ACADL: variants seen among roughly 807,000 people sequenced by gnomAD.
ACADL encodes the protein long-chain specific acyl-CoA dehydrogenase, mitochondrial.
Under a neutral mutation model 56.9 loss-of-function variants are expected in ACADL, and 60 were observed. The observed-to-expected ratio is 1.05, with a 90% confidence interval of 0.86 to 1.31. The LOEUF (loss-of-function observed/expected upper bound fraction) is 1.31, where lower values mean the gene tolerates loss of function less well. ACADL is among the 50% of genes most tolerant of loss of function. The pLI, the probability that ACADL is intolerant of heterozygous loss-of-function variation, is 0.00. For synonymous variants in ACADL, 158 were observed against 179.7 expected, an observed-to-expected ratio of 0.88 and a Z score of 0.97; for missense variants, 484 against 525.5, an observed-to-expected ratio of 0.92 and a Z score of 0.77.
chr2:210,216,023 C>T (rs892589903), intron 4 of ACADL, among the ~76,000 whole-genome samples: 3 of 152,174 alleles, frequency 2.0e-5, no homozygotes, highest in Admixed American at 6.6e-5. Flanking sequence ...GCTACTCCAT[C>T]CTTGTCTCCA....
chr2:210,206,649 G>T (rs188349589), intron 5 of ACADL, among the ~76,000 whole-genome samples: 1 of 152,222 alleles, frequency 6.6e-6, no homozygotes, highest in Non-Finnish European at 1.5e-5. Context: ...AGATGATATT[G>T]ATACAGAAAA....
chr2:210,191,321 G>T (rs1248398843), intron 10 of ACADL, among the ~76,000 whole-genome samples: 1 of 152,064 alleles, frequency 6.6e-6, no homozygotes, highest in Non-Finnish European at 1.5e-5. Context: ...GGTGATTATT[G>T]TTTCTTAAAG....
At position 210,188,800 on chromosome 2, in the gene ACADL, CT is replaced by C; in HGVS notation, c.*160del. ...AGAATTTTGGCTTCAAAGATTTGTC[CT>C]TCCACTGTGTTAATCTTATATTTAT... On this transcript the variant is annotated 3_prime_UTR_variant, in exon 11 of 11. Transcript: ENST00000233710. 1.7e-6 allele frequency: 1 copy of C among 593,122 alleles called. No individual in the cohort carries two copies. The highest frequency in any genetic ancestry group is 1.9e-5 in the African/African-American group (1 of 53,450). 36.7% of individuals were successfully genotyped at this position (593,122 alleles called of 1,614,324 possible).
At chr2:210,198,362 C>G (rs145602024) in intron 8 of ACADL, among the ~76,000 whole-genome samples, 179 of 152,100 alleles carry the variant, frequency 1.2e-3, no homozygotes, top group African/African-American at 3.9e-3. Flanking sequence ...TTAATTAGTC[C>G]CATGCTCAAG....
chr2:210,218,285 CTTTTTT>C (rs35116912), intron 2 of ACADL, among the ~76,000 whole-genome samples, 183 bp from the exon 3 acceptor site: 5 of 95,384 alleles, frequency 5.2e-5, no homozygotes, highest in Non-Finnish European at 7.5e-5. Flanking sequence ...CTTTTTTCTG[CTTTTTT>C]TTTTTTTTTT....
In ACADL at chr2:210,188,845, T is replaced by C; in HGVS notation, c.*116A>G. On this transcript the variant is annotated 3_prime_UTR_variant, in exon 11 of 11. Coordinates refer to ENST00000233710, the MANE Select transcript of ACADL (RefSeq NM_001608.4). ...TATTTATATTTTATTTCCTTCTCTA[T>C]AGAGAGAGCAGGTAAAAACATGTTT... 1.3e-6 allele frequency: 1 copy of C among 770,070 alleles called. No individual in the cohort carries two copies. The allele number at this position is 770,070 out of a possible 1,614,324, so 47.7% of individuals were successfully genotyped here.
intron 10 of ACADL, among the ~76,000 whole-genome samples, 184 bp from the exon 11 acceptor site, chr2:210,189,238 A>G (rs1269497168): frequency 6.6e-6 from 1 of 152,196 alleles, no homozygotes; most frequent in Non-Finnish European, 1.5e-5. Flanking sequence ...AAAACTATTA[A>G]GATGTTAATA....
At position 210,210,189 on chromosome 2, in the gene ACADL, T is replaced by TA; in HGVS notation, c.603+6dup. ...AAGAAGGGCTATAGAAGTCCTTTTT[T>TA]ACACACCTTGCTTCCATTGAGAATC... is the stretch of plus-strand genomic sequence containing the variant. On this transcript the variant is annotated splice_region_variant and intron_variant, in intron 5 of 10. Transcript: ENST00000233710. 1 of 1,609,344 alleles carries TA rather than the reference T, an allele frequency of 6.2e-7. No homozygotes were observed.
chr2:210,214,467 A>AAAGAAAGAAAGAAAG (rs1689040419), intron 4 of ACADL, among the ~76,000 whole-genome samples: 74 of 122,418 alleles, frequency 6.0e-4, no homozygotes, highest in East Asian at 9.6e-4. Context: ...GACCTTCCAA[A>AAAGAAAGAAAGAAAG]AAAGAAAGAA....
At chr2:210,221,404 G>A (rs988332888) in intron 1 of ACADL, among the ~76,000 whole-genome samples, 2 of 152,130 alleles carry the variant, frequency 1.3e-5, no homozygotes, top group African/African-American at 4.8e-5. Context: ...AGCTTCAAAT[G>A]AGACAGTTTT....
chr2:210,195,150 T>C, intron 9 of ACADL, 61 bp downstream of exon 9: 2 of 1,608,104 alleles, frequency 1.2e-6, no homozygotes, highest in Admixed American at 3.3e-5. Flanking sequence ...GAGCTTAAAA[T>C]TGGCAGAATT....
At chr2:210,220,046 G>A (rs183059694) in intron 2 of ACADL, among the ~76,000 whole-genome samples, 2 of 152,080 alleles carry the variant, frequency 1.3e-5, no homozygotes, top group East Asian at 3.9e-4. Context: ...TAACGGTGCC[G>A]AGAATTTTTT....
intron 1 of ACADL, among the ~76,000 whole-genome samples, chr2:210,223,302 T>G (rs1447310238): frequency 6.6e-6 from 1 of 152,190 alleles, no homozygotes; most frequent in East Asian, 1.9e-4. Flanking sequence ...TTGGCATTTT[T>G]TTCTCTAAGG....
At chr2:210,218,401 C>T (rs1246885438) in intron 2 of ACADL, 15 of 331,672 alleles carry the variant, frequency 4.5e-5, no homozygotes, top group Non-Finnish European at 6.8e-5. Flanking sequence ...CCACCTCAGC[C>T]TCTTGAGCAG....
At chr2:210,204,540 C>G (rs1314424860) in intron 7 of ACADL, 41 bp downstream of exon 7, 29 of 1,367,360 alleles carry the variant, frequency 2.1e-5, no homozygotes, top group African/African-American at 2.9e-5. Flanking sequence ...TATTCCAATT[C>G]ATTATTCAGT....
At chr2:210,210,174 A>G in intron 5 of ACADL, 22 bp downstream of exon 5, 1 of 1,575,322 alleles carries the variant, frequency 6.3e-7, no homozygotes. Context: ...AAGAAGGGCT[A>G]TAGAAGTCCT....
rs1386522248 is a variant in ACADL, at chr2:210,220,675, G to C, written c.205C>G (p.Gln69Glu). Residue 69 changes from glutamine to glutamate, a missense_variant, in exon 2 of 11, where the codon CAA becomes GAA. Gln to Glu is a conservative substitution (Grantham distance 29). Coordinates refer to ENST00000233710, the MANE Select transcript of ACADL (RefSeq NM_001608.4). ...IFRKSVRKFF[Q>E]EEVIPHHSEW... The stretch of plus-strand genomic sequence containing the variant: ...GAGTGATGAGGAATCACTTCTTCTT[G>C]GAAAAACTTCCTTACACTTTTCCGG... 1.2e-6 allele frequency: 2 copies of C among 1,613,202 alleles called. No homozygotes were observed. The highest frequency in any genetic ancestry group is 1.7e-6 in the Non-Finnish European group (2 of 1,179,690).
rs994565162 is a variant in ACADL at position 210,217,951 on chromosome 2, G to T, written c.371+14C>A. Reference sequence around the variant, plus strand: ...TACAAAACAAGACTCAACCTTAAAAGTCTCCATACTTACTGCTCCTCCCAG... The same window carrying T: ...TACAAAACAAGACTCAACCTTAAAATTCTCCATACTTACTGCTCCTCCCAG... On this transcript the variant is annotated intron_variant, in intron 3 of 10. Transcript: ENST00000233710. The T allele has an allele frequency of 2.9e-5, 46 of 1,613,740 alleles. No individual in the cohort carries two copies. Among genetic ancestry groups the T allele is most frequent in the Non-Finnish European group, 3.7e-5 (44 of 1,179,924 alleles).
At chr2:210,213,372 C>T (rs893544733) in intron 4 of ACADL, among the ~76,000 whole-genome samples, 20 of 151,852 alleles carry the variant, frequency 1.3e-4, no homozygotes, top group Admixed American at 3.3e-4. Context: ...TGGTGGCGGG[C>T]GCCTGTAATC....
Sources: allele counts gnomAD v4.1 joint callset (sites outside exome capture counted in the v4.1 genomes callset), GRCh38; gene constraint gnomAD v4.1.1; transcripts MANE v1.5; gene names NCBI Gene and HGNC (gene_info 2026-07-23, HGNC 2026-07-21).